Variants in VAMP4 observed in about 807,000 individuals in gnomAD.
VAMP4 encodes the protein vesicle associated membrane protein 4.
VAMP4 carries 19 observed loss-of-function variants against 23.5 expected under a neutral mutation model. The ratio of observed to expected loss-of-function variants is 0.81; its 90% CI spans 0.56 to 1.19. VAMP4 has a LOEUF of 1.19. Among genes scored for constraint, VAMP4 ranks in the 50% most tolerant of loss-of-function variants. The pLI is 0.00. For missense variants in VAMP4, 145 were observed against 168.6 expected (o/e 0.86, Z 0.78); for synonymous variants, 31 against 51.0 (o/e 0.61, Z 1.67).
intron 3 of VAMP4, among the ~76,000 whole-genome samples, chr1:171,725,467 A>T (rs1655333081): frequency 6.6e-6 from 1 of 152,182 alleles, no homozygotes. Flanking sequence ...CAATTAAAAA[A>T]AATGAGTTCC....
At chr1:171,721,417 T>C (rs1403293502) in intron 3 of VAMP4, among the ~76,000 whole-genome samples, 1 of 152,146 alleles carries the variant, frequency 6.6e-6, no homozygotes, top group Non-Finnish European at 1.5e-5. Flanking sequence ...GTAGGATATA[T>C]AAAAACACTA....
Position 171,706,370 on chromosome 1 carries a change from T to C in VAMP4, c.394A>G (p.Ile132Val). 1 of 1,609,538 alleles carries C rather than the reference T, an allele frequency of 6.2e-7. No homozygotes were observed. Among genetic ancestry groups the C allele is most frequent in the East Asian group, 2.2e-5 (1 of 44,658 alleles). Reference sequence around the variant, plus strand: ...TAATAATCCAATAAATACTTACTGATAATCACTAGCAAAAGGATAGCAGCA... The same window carrying C: ...TAATAATCCAATAAATACTTACTGACAATCACTAGCAAAAGGATAGCAGCA... ...LVAAILLLVI[I>V]ILIVMKYRT The change falls in exon 7 of 8, where the codon ATC becomes GTC. Residue 132 changes from isoleucine (I) to valine (V), a missense_variant. Ile to Val is a conservative substitution (Grantham distance 29). Coordinates refer to ENST00000236192, the MANE Select transcript of VAMP4 (RefSeq NM_003762.5).
chr1:171,732,360 G>GAAAAAAAAAAAAAAAAAAAA (rs532876540), intron 2 of VAMP4, among the ~76,000 whole-genome samples: 1 of 123,548 alleles, frequency 8.1e-6, no homozygotes. Flanking sequence ...GTCTCTATGG[G>GAAAAAAAAAAAAAAAAAAAA]AAAAAAAAAA....
At chr1:171,722,633 C>T (rs1198763698) in intron 3 of VAMP4, among the ~76,000 whole-genome samples, 1 of 152,166 alleles carries the variant, frequency 6.6e-6, no homozygotes, top group Non-Finnish European at 1.5e-5. Flanking sequence ...GACATTTATG[C>T]AGCCAACAGA....
intron 4 of VAMP4, among the ~76,000 whole-genome samples, chr1:171,713,493 C>T (rs1366145366): frequency 2.0e-5 from 3 of 152,022 alleles, no homozygotes; most frequent in African/African-American, 4.8e-5. Flanking sequence ...ATTATATATA[C>T]TTTTAAAATG....
intron 3 of VAMP4, among the ~76,000 whole-genome samples, chr1:171,727,590 G>A (rs1655415764): frequency 6.6e-6 from 1 of 152,060 alleles, no homozygotes; most frequent in Non-Finnish European, 1.5e-5. Flanking sequence ...CTACTCCTAG[G>A]TATTTTTATT....
At chr1:171,705,275 G>T (rs1273223434) in intron 7 of VAMP4, among the ~76,000 whole-genome samples, 1 of 152,072 alleles carries the variant, frequency 6.6e-6, no homozygotes, top group Non-Finnish European at 1.5e-5. Flanking sequence ...CTGAACAAAA[G>T]TTTGCCTAAT....
chr1:171,705,771 T>A (rs1654628341), intron 7 of VAMP4, among the ~76,000 whole-genome samples: 2 of 152,084 alleles, frequency 1.3e-5, no homozygotes, highest in Non-Finnish European at 2.9e-5. Flanking sequence ...AACCTCTCTG[T>A]AAACATAGGC....
At chr1:171,730,167 A>G (rs1458818471) in intron 2 of VAMP4, among the ~76,000 whole-genome samples, 1 of 152,204 alleles carries the variant, frequency 6.6e-6, no homozygotes, top group Non-Finnish European at 1.5e-5. Context: ...GGTCACCAGA[A>G]CCATAAGACA....
At chr1:171,721,790 G>C (rs1212620857) in intron 3 of VAMP4, among the ~76,000 whole-genome samples, 2 of 152,132 alleles carry the variant, frequency 1.3e-5, no homozygotes, top group Non-Finnish European at 2.9e-5. Flanking sequence ...CCATGCTCAT[G>C]GATAGGAAGA....
intron 7 of VAMP4, among the ~76,000 whole-genome samples, chr1:171,705,914 CA>C (rs917700312): frequency 1.3e-5 from 2 of 150,036 alleles, no homozygotes; most frequent in Admixed American, 6.6e-5. Flanking sequence ...AAAAACCAAA[CA>C]AAAAAAAATC....
chr1:171,741,016 T>C (rs1478443281), intron 1 of VAMP4, among the ~76,000 whole-genome samples: 3 of 152,228 alleles, frequency 2.0e-5, no homozygotes, highest in Admixed American at 6.5e-5. Flanking sequence ...TAGACTAGGA[T>C]ATAGTCTGCC....
In VAMP4 at chr1:171,734,936, TG is replaced by T. The variant is rs1385109524; in HGVS notation, c.66+3412del. ...TTATTTTTAATTTAAGGTTTACTAT[TG>T]TTTTTCTTGAAGTAATTTTTCCTGC... is the stretch of plus-strand genomic sequence containing the variant. On this transcript the variant is annotated intron_variant, in intron 2 of 7. Transcript: ENST00000236192. Among the ~76,000 whole-genome samples the T allele has an allele frequency of 2.0e-5, 3 of 152,336 alleles. No individual in the cohort carries two copies. In the East Asian group the frequency reaches 5.8e-4, roughly 29 times the overall value.
chr1:171,704,400 G>A lies in VAMP4; in HGVS notation c.*106C>T. 2 of 928,296 alleles carry A rather than the reference G, an allele frequency of 2.2e-6. No homozygotes were observed. Among genetic ancestry groups the A allele is most frequent in the Non-Finnish European group, 3.0e-6 (2 of 674,434 alleles). The allele number at this position is 928,296 out of a possible 1,614,324, so 57.5% of individuals were successfully genotyped here. ...AGTGATACTTGCCTCTTAGTTTCTT[G>A]AAAAAGAAGTTTTGAAAGTTATATA... is the stretch of plus-strand genomic sequence containing the variant. On this transcript the variant is annotated 3_prime_UTR_variant, in exon 8 of 8. Coordinates refer to ENST00000236192, the MANE Select transcript of VAMP4 (RefSeq NM_003762.5).
At chr1:171,711,933 AT>A (rs1654860247) in intron 4 of VAMP4, among the ~76,000 whole-genome samples, 1 of 152,096 alleles carries the variant, frequency 6.6e-6, no homozygotes, top group Admixed American at 6.6e-5. Flanking sequence ...ACATACAGAT[AT>A]TTACCATTGT....
intron 4 of VAMP4, among the ~76,000 whole-genome samples, chr1:171,715,019 A>T (rs1445692514): frequency 6.6e-6 from 1 of 152,156 alleles, no homozygotes; most frequent in Non-Finnish European, 1.5e-5. Flanking sequence ...CAGGCAGAGT[A>T]AAAGAGGCAG....
At chr1:171,736,704 C>G (rs909125212) in intron 2 of VAMP4, among the ~76,000 whole-genome samples, 1 of 151,826 alleles carries the variant, frequency 6.6e-6, no homozygotes, top group Non-Finnish European at 1.5e-5. Context: ...AGGCCGAGTG[C>G]AGTGTCAAAT....
chr1:171,715,044 G>A (rs1654984131), intron 4 of VAMP4, among the ~76,000 whole-genome samples: 1 of 152,228 alleles, frequency 6.6e-6, no homozygotes, highest in African/African-American at 2.4e-5. Flanking sequence ...TGGTGAGAAA[G>A]TTCTAGGATA....
chr1:171,728,852 A>C (rs1655461328), intron 2 of VAMP4, among the ~76,000 whole-genome samples: 1 of 152,228 alleles, frequency 6.6e-6, no homozygotes, highest in South Asian at 2.1e-4. Flanking sequence ...GCAGGTAGTC[A>C]GGAGGGAGCA....
Sources: gnomAD v4.1 joint callset for allele counts (sites outside exome capture counted in the v4.1 genomes callset) on GRCh38, gnomAD v4.1.1 for gene constraint, MANE v1.5 for transcripts, NCBI Gene and HGNC (gene_info 2026-07-23, HGNC 2026-07-21) for gene names.